Variants in PYGO1 observed in about 807,000 individuals in gnomAD.
PYGO1 encodes pygopus homolog 1.
PYGO1 carries 6 observed loss-of-function variants against 29.5 expected under a neutral mutation model. The observed-to-expected ratio is 0.20, with a 90% CI of 0.11 to 0.40. PYGO1 has a LOEUF of 0.40. Among genes scored for constraint, PYGO1 ranks in the 10% least tolerant of loss-of-function variants. The probability of loss-of-function intolerance (pLI) is 1.00; values close to 1 mark genes in which losing one functional copy is unlikely to be tolerated. For missense variants in PYGO1, 515 were observed against 514.9 expected (o/e 1.00, Z 0.00); for synonymous variants, 186 against 180.5 (o/e 1.03, Z -0.24).
In PYGO1 at chr15:55,544,284, A is replaced by G. The variant is rs1365331808; in HGVS notation, c.*1739T>C. 6.6e-6 allele frequency: 1 copy of G among 152,234 alleles called. No individual in the cohort carries two copies. The highest frequency in any genetic ancestry group is 1.9e-4 in the East Asian group (1 of 5,202). The allele number at this position is 152,234 out of a possible 1,614,324, so 9.4% of individuals were successfully genotyped here. A position where few individuals can be genotyped will look rare whatever the true frequency, so the allele number is the denominator to read the frequency against. ...AATAGTTTTCTTCCAACAGAATATT[A>G]AAGGTCTAACTTTTATAAAATTCAT... On this transcript the variant is annotated 3_prime_UTR_variant, in exon 3 of 3. Coordinates refer to ENST00000563719, the MANE Select transcript of PYGO1 (RefSeq NM_001367806.1).
At chr15:55,560,381 C>T (rs2058927940) in intron 1 of PYGO1, among the ~76,000 whole-genome samples, 1 of 151,920 alleles carries the variant, frequency 6.6e-6, no homozygotes, top group African/African-American at 2.4e-5. Flanking sequence ...TTACTATACA[C>T]CAACAACAAC....
chr15:55,568,008 G>C (rs753155301), intron 1 of PYGO1, among the ~76,000 whole-genome samples: 1 of 152,142 alleles, frequency 6.6e-6, no homozygotes, highest in African/African-American at 2.4e-5. Context: ...GTAAAGTAAT[G>C]TGATGCCTCC....
intron 1 of PYGO1, among the ~76,000 whole-genome samples, chr15:55,550,014 TA>T (rs2058871693): frequency 6.6e-6 from 1 of 151,970 alleles, no homozygotes; most frequent in South Asian, 2.1e-4. Flanking sequence ...ACTAGGAACT[TA>T]AAAAAAATAC....
At chr15:55,559,910 A>T (rs993624756) in intron 1 of PYGO1, among the ~76,000 whole-genome samples, 20 of 152,196 alleles carry the variant, frequency 1.3e-4, no homozygotes, top group African/African-American at 4.8e-4. Flanking sequence ...AATATAATTC[A>T]TAAACAGAAC....
Position 55,541,153 on chromosome 15 carries a change from C to T in PYGO1, c.*4870G>A, listed in dbSNP as rs1028699345. 7 of 152,144 alleles carry T rather than the reference C, an allele frequency of 4.6e-5. No individual in the cohort carries two copies. Among genetic ancestry groups the T allele is most frequent in the Admixed American group, 2.6e-4 (4 of 15,266 alleles). 9.4% of individuals were successfully genotyped at this position (152,144 alleles called of 1,614,324 possible). On this transcript the variant is annotated 3_prime_UTR_variant, in exon 3 of 3. Coordinates refer to ENST00000563719, the MANE Select transcript of PYGO1 (RefSeq NM_001367806.1). ...AATACAGGCAGCTCTGATGTATTAA[C>T]GCCTGGCATATACATGGCCACAGTC...
intron 1 of PYGO1, among the ~76,000 whole-genome samples, chr15:55,564,157 T>C (rs183254875): frequency 6.6e-6 from 1 of 152,254 alleles, no homozygotes; most frequent in East Asian, 1.9e-4. Context: ...GCCAAAAAAG[T>C]AGAAACAACC....
chr15:55,551,475 C>T (rs940077076), intron 1 of PYGO1, among the ~76,000 whole-genome samples: 12 of 151,834 alleles, frequency 7.9e-5, no homozygotes, highest in African/African-American at 2.7e-4. Context: ...GGGAAAAAAC[C>T]AAAAAACCAC....
At chr15:55,561,077 C>T (rs1408402935) in intron 1 of PYGO1, among the ~76,000 whole-genome samples, 1 of 152,132 alleles carries the variant, frequency 6.6e-6, no homozygotes, top group Non-Finnish European at 1.5e-5. Flanking sequence ...CACTACCTAG[C>T]TTCAAACTAT....
At chr15:55,566,984 A>G (rs758467109) in intron 1 of PYGO1, among the ~76,000 whole-genome samples, 3 of 152,002 alleles carry the variant, frequency 2.0e-5, no homozygotes, top group Non-Finnish European at 4.4e-5. Context: ...CACCTACCTC[A>G]GCCTCCCAAA....
chr15:55,559,381 G>T (rs543496535), intron 1 of PYGO1, among the ~76,000 whole-genome samples: 2 of 152,208 alleles, frequency 1.3e-5, no homozygotes, highest in East Asian at 3.9e-4. Flanking sequence ...CACTGTTGGT[G>T]GGACTGTAAA....
intron 1 of PYGO1, among the ~76,000 whole-genome samples, chr15:55,585,155 T>A (rs1362549574): frequency 6.6e-6 from 1 of 152,270 alleles, no homozygotes; most frequent in African/African-American, 2.4e-5. Flanking sequence ...TCTTAATAAT[T>A]CATGTAATTG....
At chr15:55,549,613 C>A (rs2058869903) in intron 1 of PYGO1, among the ~76,000 whole-genome samples, 1 of 152,160 alleles carries the variant, frequency 6.6e-6, no homozygotes, top group South Asian at 2.1e-4. Context: ...TTACAAGTAG[C>A]TCCTAGAACC....
At chr15:55,569,188 G>C (rs967370262) in intron 1 of PYGO1, among the ~76,000 whole-genome samples, 1 of 151,710 alleles carries the variant, frequency 6.6e-6, no homozygotes, top group African/African-American at 2.4e-5. Context: ...TTCTCTTTTT[G>C]AATTTCTAGT....
chr15:55,581,580 G>T (rs1387612240), intron 1 of PYGO1, among the ~76,000 whole-genome samples: 1 of 152,132 alleles, frequency 6.6e-6, no homozygotes, highest in Non-Finnish European at 1.5e-5. Flanking sequence ...TTTGAGTTCC[G>T]GCTTTGCTGC....
At chr15:55,564,621 A>G (rs511813) in intron 1 of PYGO1, among the ~76,000 whole-genome samples, 148,614 of 152,228 alleles carry the variant, frequency 0.98, 72,670 homozygotes, top group Middle Eastern at 1. Context: ...CACAGGTGTC[A>G]CAAAAGAGAG....
intron 1 of PYGO1, among the ~76,000 whole-genome samples, chr15:55,560,680 T>A (rs1342279821): frequency 6.6e-6 from 1 of 152,130 alleles, no homozygotes; most frequent in African/African-American, 2.4e-5. Context: ...AAAACACTAC[T>A]AGCTGGGCAC....
intron 1 of PYGO1, among the ~76,000 whole-genome samples, chr15:55,584,381 G>A (rs930607491): frequency 1.3e-5 from 2 of 152,064 alleles, no homozygotes; most frequent in African/African-American, 4.8e-5. Context: ...AAGGTGCTGG[G>A]ATTACAAGCG....
chr15:55,567,625 T>C (rs1200879984), intron 1 of PYGO1, among the ~76,000 whole-genome samples: 1 of 152,208 alleles, frequency 6.6e-6, no homozygotes, highest in Non-Finnish European at 1.5e-5. Flanking sequence ...ATCCTACTTG[T>C]CAATTTTTGT....
intron 1 of PYGO1, among the ~76,000 whole-genome samples, chr15:55,570,872 T>C (rs1345803701): frequency 1.3e-5 from 2 of 152,200 alleles, no homozygotes; most frequent in Admixed American, 6.5e-5. Context: ...TAATTTTAAC[T>C]TTTAATTGTA....
Sources: allele counts gnomAD v4.1 joint callset (sites outside exome capture counted in the v4.1 genomes callset), GRCh38; gene constraint gnomAD v4.1.1; transcripts MANE v1.5; gene names NCBI Gene and HGNC (gene_info 2026-07-23, HGNC 2026-07-21).